Variants in ERICH1 observed in about 807,000 individuals in gnomAD.
ERICH1 encodes glutamate-rich protein 1.
ERICH1 carries 56 observed loss-of-function variants against 39.6 expected under a neutral mutation model. The observed-to-expected ratio is 1.41, with a 90% confidence interval of 1.14 to 1.77. The LOEUF is 1.77. ERICH1 is among the 40% of genes most tolerant of loss of function. The pLI, the probability that ERICH1 is intolerant of heterozygous loss-of-function variation, is 0.00. For missense variants in ERICH1, 826 were observed against 575.4 expected, an observed-to-expected ratio of 1.44 and a Z score of -4.45; for synonymous variants, 313 against 223.6, an observed-to-expected ratio of 1.40 and a Z score of -3.57.
At chr8:614,998 CT>C (rs1328728275) in exon 4 of ERICH1, 6 of 414,238 alleles carry the variant, frequency 1.4e-5, no homozygotes, top group Non-Finnish European at 2.5e-5. Context: ...GTCAAAAGGA[CT>C]TGGGCACTGC....
chr8:674,962 C>A (rs1228037751), intron 3 of ERICH1, among the ~76,000 whole-genome samples: 1 of 152,222 alleles, frequency 6.6e-6, no homozygotes, highest in African/African-American at 2.4e-5. Context: ...TTTCAAACTA[C>A]CACTGTGGTG....
intron 1 of ERICH1, among the ~76,000 whole-genome samples, chr8:727,446 G>A (rs1327412067): frequency 6.6e-6 from 1 of 152,242 alleles, no homozygotes; most frequent in African/African-American, 2.4e-5. Context: ...AACAGGAAGT[G>A]TGACTGCTCA....
Position 724,783 on chromosome 8 carries a change from C to T in ERICH1, c.22+6357G>A, listed in dbSNP as rs114217539. ...TTGCAACCCATAAGGGATTCCACAC[C>T]GACAAGCCCCGTGTTGTTTGCACGG... is the stretch of plus-strand genomic sequence containing the variant. On this transcript the variant is annotated intron_variant, in intron 1 of 5. Transcript: ENST00000262109. Among the ~76,000 whole-genome samples the T allele has an allele frequency of 8.6e-3, 1,313 of 152,306 alleles. 16 individuals are homozygous for T. The highest frequency in any genetic ancestry group is 0.03 in the African/African-American group (1,253 of 41,554).
intron 1 of ERICH1, among the ~76,000 whole-genome samples, chr8:723,501 T>C (rs1484206910): frequency 1.3e-5 from 2 of 152,228 alleles, no homozygotes; most frequent in African/African-American, 4.8e-5. Context: ...CTCCTTCACC[T>C]GTCATATTAG....
At chr8:633,379 G>A (rs934364707) in intron 3 of ERICH1, among the ~76,000 whole-genome samples, 10 of 152,184 alleles carry the variant, frequency 6.6e-5, no homozygotes, top group East Asian at 3.9e-4. Flanking sequence ...TGCATTCAGC[G>A]AGGTACTCAC....
intron 2 of ERICH1, among the ~76,000 whole-genome samples, chr8:709,338 G>A (rs1303096014): frequency 6.6e-6 from 1 of 152,168 alleles, no homozygotes; most frequent in Non-Finnish European, 1.5e-5. Context: ...TGTCACCGAG[G>A]GAACCGAAGC....
chr8:699,832 C>T (rs184926125), intron 2 of ERICH1, among the ~76,000 whole-genome samples: 76 of 88,290 alleles, frequency 8.6e-4, no homozygotes, highest in African/African-American at 2.6e-3. Context: ...CGCACAGACC[C>T]GCACAGGCGC....
intron 3 of ERICH1, among the ~76,000 whole-genome samples, chr8:634,466 G>C (rs1449928342): frequency 6.6e-6 from 1 of 152,160 alleles, no homozygotes; most frequent in Non-Finnish European, 1.5e-5. Context: ...TCGTCTCCTG[G>C]GCGTACACCC....
At chr8:616,409 A>T (rs1189704194) in intron 3 of ERICH1, 10 of 397,458 alleles carry the variant, frequency 2.5e-5, no homozygotes, top group Non-Finnish European at 5.1e-5. Flanking sequence ...CACGTGTGTG[A>T]GGCTGACCGA....
At chr8:699,436 G>A (rs183998167) in intron 2 of ERICH1, among the ~76,000 whole-genome samples, 60 of 152,202 alleles carry the variant, frequency 3.9e-4, no homozygotes, top group African/African-American at 1.4e-3. Flanking sequence ...GCAACTTCAA[G>A]TGAAATCAGT....
intron 5 of ERICH1, 45 bp from the exon 6 acceptor site, chr8:664,721 A>C: frequency 6.7e-7 from 1 of 1,493,182 alleles, no homozygotes; most frequent in Non-Finnish European, 9.2e-7. Flanking sequence ...CAAAGACAAA[A>C]AGAAAAATCA....
chr8:729,206 G>A (rs918053914), intron 1 of ERICH1, among the ~76,000 whole-genome samples: 2 of 152,288 alleles, frequency 1.3e-5, no homozygotes, highest in Middle Eastern at 3.4e-3. Context: ...GTGAATAAAC[G>A]ACGCCAAGTC....
At chr8:720,722 G>C (rs149589849) in intron 1 of ERICH1, among the ~76,000 whole-genome samples, 1 of 152,312 alleles carries the variant, frequency 6.6e-6, no homozygotes, top group Non-Finnish European at 1.5e-5. Context: ...CCTTTCAGCA[G>C]CCTAAGCTAA....
intron 1 of ERICH1, among the ~76,000 whole-genome samples, chr8:723,343 C>G (rs891935457): frequency 2.0e-5 from 3 of 152,222 alleles, no homozygotes; most frequent in African/African-American, 7.2e-5. Flanking sequence ...CAGACTAACA[C>G]TCACAGAGAA....
intron 3 of ERICH1, among the ~76,000 whole-genome samples, chr8:683,603 C>A (rs560290027): frequency 2.0e-5 from 3 of 152,220 alleles, no homozygotes; most frequent in African/African-American, 4.8e-5. Context: ...CCTCCTCCCC[C>A]GGCTCCATGC....
intron 1 of ERICH1, among the ~76,000 whole-genome samples, chr8:722,912 A>G (rs577683993): frequency 2.0e-5 from 3 of 152,362 alleles, no homozygotes; most frequent in African/African-American, 7.2e-5. Context: ...AATATTCACG[A>G]GTGACTTTAC....
At chr8:657,936 G>A (rs912284096) in intron 3 of ERICH1, among the ~76,000 whole-genome samples, 1 of 152,186 alleles carries the variant, frequency 6.6e-6, no homozygotes, top group Admixed American at 6.5e-5. Flanking sequence ...GGTTTGACTG[G>A]CTGGCGTTTC....
intron 3 of ERICH1, among the ~76,000 whole-genome samples, chr8:653,256 T>C (rs2335877): frequency 0.18 from 27,850 of 152,270 alleles, 3,152 homozygotes; most frequent in Middle Eastern, 0.34. Flanking sequence ...ACGAACTAAA[T>C]GTGGCCTGAG....
chr8:711,939 G>A (rs1267936835), intron 2 of ERICH1, among the ~76,000 whole-genome samples: 1 of 152,192 alleles, frequency 6.6e-6, no homozygotes, highest in African/African-American at 2.4e-5. Context: ...CTGTATCAAA[G>A]ATAAGTCAGT....
Sources: gnomAD v4.1 joint callset for allele counts (sites outside exome capture counted in the v4.1 genomes callset) on GRCh38, gnomAD v4.1.1 for gene constraint, MANE v1.5 for transcripts, NCBI Gene and HGNC (gene_info 2026-07-23, HGNC 2026-07-21) for gene names.